ZNF679: variants seen among roughly 807,000 people sequenced by gnomAD.
The protein encoded by ZNF679 is zinc finger protein 679, also known as hypothetical protein MGC42415.
A neutral mutation model predicts 13.4 loss-of-function variants in ZNF679; 10 were observed. That is an observed-to-expected ratio of 0.75 (90% CI 0.46 to 1.27). The LOEUF is 1.27. Ranked by LOEUF, ZNF679 falls within the 50% of genes most tolerant of loss-of-function variation. The probability of loss-of-function intolerance (pLI) is 0.00; values close to 1 mark genes in which losing one functional copy is unlikely to be tolerated. For missense variants in ZNF679, 525 were observed against 477.8 expected (o/e 1.10, Z -0.92); for synonymous variants, 179 against 162.5 (o/e 1.10, Z -0.77).
At position 64,260,918 on chromosome 7, in the gene ZNF679, C is replaced by A; in HGVS notation, c.251C>A (p.Thr84Asn). The A allele has an allele frequency of 3.1e-6, 5 of 1,609,884 alleles. No individual in the cohort carries two copies. The highest frequency in any genetic ancestry group is 4.2e-6 in the Non-Finnish European group (5 of 1,178,610). The change falls in exon 4 of 5, where the codon ACC (threonine) becomes AAC (asparagine). Residue 84 changes from threonine (T) to asparagine (N), a missense_variant. Thr to Asn is a moderately conservative substitution (Grantham distance 65). Coordinates refer to ENST00000421025, the MANE Select transcript of ZNF679 (RefSeq NM_153363.3). Reference sequence around the variant, plus strand: ...AATATAAAGAGAAATGAGATGGTAACCAAACACCCAGGTAAGTGAGAGTGG... The same window carrying A: ...AATATAAAGAGAAATGAGATGGTAAACAAACACCCAGGTAAGTGAGAGTGG... ...PWNIKRNEMV[T>N]KHPVMCSHFT...
chr7:64,235,495 C>CA (rs139370986), intron 1 of ZNF679, among the ~76,000 whole-genome samples: 239 of 150,722 alleles, frequency 1.6e-3, no homozygotes, highest in African/African-American at 4.3e-3. Context: ...ATTAGCATAA[C>CA]AAAAAAAAAT....
intron 2 of ZNF679, among the ~76,000 whole-genome samples, chr7:64,256,084 T>C (rs1170401684): frequency 6.6e-6 from 1 of 152,172 alleles, no homozygotes; most frequent in East Asian, 1.9e-4. Flanking sequence ...CCCTCCACGC[T>C]GAACTGGGCT....
At chr7:64,235,482 A>G (rs1787696922) in intron 1 of ZNF679, among the ~76,000 whole-genome samples, 1 of 151,776 alleles carries the variant, frequency 6.6e-6, no homozygotes, top group Non-Finnish European at 1.5e-5. Flanking sequence ...AAATAATCCC[A>G]GCATTAGCAT....
intron 1 of ZNF679, among the ~76,000 whole-genome samples, chr7:64,234,723 G>A (rs545095507): frequency 9.8e-4 from 149 of 152,322 alleles, no homozygotes; most frequent in African/African-American, 3.5e-3. Context: ...AAATGGGTGT[G>A]TTCTAAGCCA....
chr7:64,241,942 A>G (rs987268862), intron 1 of ZNF679, among the ~76,000 whole-genome samples: 4 of 152,238 alleles, frequency 2.6e-5, no homozygotes, highest in African/African-American at 4.8e-5. Context: ...AGGTTTAAGG[A>G]TAAGATTTAA....
Position 64,236,976 on chromosome 7 carries a change from A to AGAAAGAAAG in ZNF679, c.-91+8324_-91+8325insGAAAGAAAG, listed in dbSNP as rs779698281. 4.1e-4 allele frequency among the ~76,000 whole-genome samples: 2 copies of AGAAAGAAAG among 4,884 alleles called. 1 individual carries two copies. Among genetic ancestry groups the AGAAAGAAAG allele is most frequent in the African/African-American group, 1.5e-3 (2 of 1,292 alleles). 3.2% of individuals were successfully genotyped at this position (4,884 alleles called of 152,430 possible). The stretch of plus-strand genomic sequence containing the variant: ...AAGAAAGAAAGAAAGAAAGAAAGAA[A>AGAAAGAAAG]AAGAAAGAAAGAAAGAAAGAAAGAA... On this transcript the variant is annotated intron_variant, in intron 1 of 4. Coordinates refer to ENST00000421025, the MANE Select transcript of ZNF679 (RefSeq NM_153363.3).
intron 1 of ZNF679, among the ~76,000 whole-genome samples, chr7:64,230,394 G>A (rs557800880): frequency 7.2e-5 from 11 of 151,858 alleles, no homozygotes; most frequent in African/African-American, 1.7e-4. Context: ...TTAGCCGGGC[G>A]CGGTGGCGGG....
chr7:64,252,176 G>A (rs2116533417), intron 2 of ZNF679, among the ~76,000 whole-genome samples: 1 of 152,322 alleles, frequency 6.6e-6, no homozygotes, highest in Non-Finnish European at 1.5e-5. Flanking sequence ...TGAGCAGGAT[G>A]CACGTGGGAG....
chr7:64,255,969 T>G (rs1162918549), intron 2 of ZNF679, among the ~76,000 whole-genome samples: 1 of 152,132 alleles, frequency 6.6e-6, no homozygotes, highest in African/African-American at 2.4e-5. Flanking sequence ...GTTTGTTATA[T>G]AGGTAAAATC....
At chr7:64,241,467 C>A (rs764323362) in intron 1 of ZNF679, among the ~76,000 whole-genome samples, 17 of 152,176 alleles carry the variant, frequency 1.1e-4, no homozygotes, top group Non-Finnish European at 2.4e-4. Flanking sequence ...GTGGTGGGCC[C>A]AGCGATATGT....
chr7:64,249,018 C>G lies in ZNF679; in HGVS notation c.-90-10C>G, dbSNP rs952232042. The stretch of plus-strand genomic sequence containing the variant: ...AATTTTCCGGGTCCTTTGTGTTTCT[C>G]TGCGTCCAGAGCTCCAGTTCTTCTC... On this transcript the variant is annotated splice_polypyrimidine_tract_variant and intron_variant, in intron 1 of 4. Coordinates refer to ENST00000421025, the MANE Select transcript of ZNF679 (RefSeq NM_153363.3). 4 of 1,559,462 alleles carry G rather than the reference C, an allele frequency of 2.6e-6. No individual in the cohort carries two copies. The Admixed American group carries it at 5.6e-5, about 22-fold the overall frequency.
intron 1 of ZNF679, among the ~76,000 whole-genome samples, chr7:64,232,425 C>T (rs189860373): frequency 6.6e-6 from 1 of 152,188 alleles, no homozygotes; most frequent in Non-Finnish European, 1.5e-5. Context: ...ATTAAAATCT[C>T]TCTTATTGGC....
chr7:64,229,175 A>C (rs1045511900), intron 1 of ZNF679, among the ~76,000 whole-genome samples: 13 of 152,128 alleles, frequency 8.5e-5, no homozygotes, highest in Non-Finnish European at 1.6e-4. Context: ...ATGAGTCAGA[A>C]TCTTACCTGT....
intron 1 of ZNF679, among the ~76,000 whole-genome samples, chr7:64,248,276 G>A (rs1787894360): frequency 6.6e-6 from 1 of 151,520 alleles, no homozygotes; most frequent in Non-Finnish European, 1.5e-5. Context: ...CCGGACATGT[G>A]GCAAATACAA....
chr7:64,235,818 CAG>C (rs1264805806), intron 1 of ZNF679, among the ~76,000 whole-genome samples: 2 of 127,418 alleles, frequency 1.6e-5, no homozygotes, highest in East Asian at 2.3e-4. Flanking sequence ...AAGAAAGAGA[CAG>C]AGAGAGAGAG....
chr7:64,258,633 G>A (rs1788035978), intron 2 of ZNF679, among the ~76,000 whole-genome samples: 3 of 151,296 alleles, frequency 2.0e-5, no homozygotes, highest in African/African-American at 7.3e-5. Context: ...CCTAGGAGGT[G>A]GAGGTTACAG....
chr7:64,258,604 G>A (rs1037879582), intron 2 of ZNF679, among the ~76,000 whole-genome samples: 1 of 151,658 alleles, frequency 6.6e-6, no homozygotes, highest in African/African-American at 2.4e-5. Flanking sequence ...AGGAGGCTGA[G>A]GCAGGATAAT....
At chr7:64,259,621 T>C (rs1384131516) in intron 2 of ZNF679, among the ~76,000 whole-genome samples, 2 of 152,102 alleles carry the variant, frequency 1.3e-5, no homozygotes, top group Non-Finnish European at 1.5e-5. Context: ...TGCATAAAAC[T>C]GGTGTTTCTT....
At chr7:64,241,199 T>A (rs1285610714) in intron 1 of ZNF679, among the ~76,000 whole-genome samples, 1 of 152,214 alleles carries the variant, frequency 6.6e-6, no homozygotes, top group African/African-American at 2.4e-5. Flanking sequence ...TCTGTGACCA[T>A]CCTGCAAGTT....
Sources: gnomAD v4.1 joint callset for allele counts (sites outside exome capture counted in the v4.1 genomes callset) on GRCh38, gnomAD v4.1.1 for gene constraint, MANE v1.5 for transcripts, NCBI Gene and HGNC (gene_info 2026-07-23, HGNC 2026-07-21) for gene names.